The following DHX15 variants were observed in gnomAD, a reference collection of about 807,000 sequenced individuals.
DHX15 encodes the protein DEAH-box helicase 15.
In DHX15, 11 loss-of-function variants were observed where a neutral mutation model predicts 94.4. That is an observed-to-expected ratio of 0.12 (90% CI 0.07 to 0.19). DHX15 has a LOEUF of 0.19. Among genes scored for constraint, DHX15 ranks in the 10% least tolerant of loss-of-function variants. The pLI is 1.00. For synonymous variants in DHX15, 338 were observed against 329.9 expected, an observed-to-expected ratio of 1.02 and a Z score of -0.27; for missense variants, 304 against 988.5, an observed-to-expected ratio of 0.31 and a Z score of 9.29.
At chr4:24,536,008 TAAAA>T (rs534771311) in intron 11 of DHX15, among the ~76,000 whole-genome samples, 1 of 149,732 alleles carries the variant, frequency 6.7e-6, no homozygotes, top group Non-Finnish European at 1.5e-5. Context: ...GGCTATCAGT[TAAAA>T]AAAAAATGTC....
chr4:24,563,036 T>C (rs1430595158), intron 3 of DHX15, among the ~76,000 whole-genome samples: 4 of 152,110 alleles, frequency 2.6e-5, no homozygotes, highest in African/African-American at 4.8e-5. Flanking sequence ...TGTTGATTAA[T>C]GTTAACAATA....
rs1722239000 is a variant in DHX15 at position 24,575,569 on chromosome 4, G to C, written c.507+674C>G. Among the ~76,000 whole-genome samples the C allele has an allele frequency of 3.3e-5, 5 of 152,150 alleles. No individual in the cohort carries two copies. In the East Asian group the frequency reaches 9.6e-4, roughly 29 times the overall value. ...GTGTTCTCCTACATGCTCATGGAAA[G>C]GTAAATTGATACGCTCCCTCTGGAA... On this transcript the variant is annotated intron_variant, in intron 2 of 13. Transcript: ENST00000336812.
chr4:24,530,902 A>C lies in DHX15; in HGVS notation c.2101-1132T>G, dbSNP rs528653904. On this transcript the variant is annotated intron_variant, in intron 12 of 13. Transcript: ENST00000336812. ...CTATAATGCATGCTGTTTCTAATAAATTTTTTGTTTGTTTTTAAAAAGAGA... is the reference window on the plus strand; with the variant it reads ...CTATAATGCATGCTGTTTCTAATAACTTTTTTGTTTGTTTTTAAAAAGAGA... 2.6e-5 allele frequency: 4 copies of C among 152,170 alleles called. No homozygotes were observed. The East Asian group carries it at 7.7e-4, about 29-fold the overall frequency. The allele number at this position is 152,170 out of a possible 1,614,324, so 9.4% of individuals were successfully genotyped here.
intron 3 of DHX15, among the ~76,000 whole-genome samples, chr4:24,564,066 C>CAA (rs56255704): frequency 1.3e-5 from 1 of 74,726 alleles, no homozygotes; most frequent in Non-Finnish European, 2.7e-5. Context: ...GACTCCGTCT[C>CAA]AAAAAAAAAA....
intron 12 of DHX15, among the ~76,000 whole-genome samples, chr4:24,531,111 C>T (rs71326598): frequency 4.1e-5 from 6 of 147,662 alleles, no homozygotes; most frequent in South Asian, 2.1e-4. Context: ...TTTTTTGAGA[C>T]GGAGTCTCGC....
intron 3 of DHX15, among the ~76,000 whole-genome samples, chr4:24,566,157 C>A (rs1721987266): frequency 6.6e-6 from 1 of 151,930 alleles, no homozygotes; most frequent in Non-Finnish European, 1.5e-5. Context: ...GATCCACTCA[C>A]CTCATCCAAG....
intron 3 of DHX15, among the ~76,000 whole-genome samples, chr4:24,568,084 G>A (rs1054551557): frequency 8.5e-5 from 13 of 152,068 alleles, no homozygotes; most frequent in South Asian, 2.1e-4. Context: ...ATCTATATGC[G>A]GACAATTTAA....
At chr4:24,574,204 T>TAAAAAAAAAAAAAAAA (rs1560775707) in intron 2 of DHX15, among the ~76,000 whole-genome samples, 1 of 6,490 alleles carries the variant, frequency 1.5e-4, no homozygotes, top group African/African-American at 5.1e-4. Context: ...AGACTTTGTC[T>TAAAAAAAAAAAAAAAA]CAAAAAAAAA....
chr4:24,547,950 T>TATATAC (rs1560766069), intron 6 of DHX15, among the ~76,000 whole-genome samples: 21 of 12,192 alleles, frequency 1.7e-3, no homozygotes, highest in African/African-American at 9.3e-3. Context: ...TATCTATATC[T>TATATAC]ATATCTATAT....
At chr4:24,568,793 C>G (rs1447212850) in intron 3 of DHX15, among the ~76,000 whole-genome samples, 1 of 152,160 alleles carries the variant, frequency 6.6e-6, no homozygotes, top group African/African-American at 2.4e-5. Context: ...ACATTACCTG[C>G]ATTTTAAAGT....
intron 11 of DHX15, chr4:24,533,674 T>C (rs754286994): frequency 2.6e-5 from 4 of 153,276 alleles, no homozygotes; most frequent in Non-Finnish European, 4.4e-5. Flanking sequence ...AGGATATTTC[T>C]CCACTGATGA....
intron 2 of DHX15, among the ~76,000 whole-genome samples, chr4:24,571,141 T>A (rs1161201910): frequency 6.6e-6 from 1 of 152,222 alleles, no homozygotes; most frequent in Non-Finnish European, 1.5e-5. Context: ...AAAATCCAAC[T>A]TACAACAAAT....
At position 24,533,008 on chromosome 4, in the gene DHX15, C is replaced by T. The variant is rs778510743; in HGVS notation, c.1956G>A (p.Arg652=). 2 of 1,614,016 alleles carry T rather than the reference C, an allele frequency of 1.2e-6. No individual in the cohort carries two copies. Among genetic ancestry groups the T allele is most frequent in the Non-Finnish European group, 1.7e-6 (2 of 1,180,000 alleles). The change falls in exon 12 of 14, where the codon AGG becomes AGA. Residue 652 remains arginine (R), a synonymous_variant. Coordinates refer to ENST00000336812, the MANE Select transcript of DHX15 (RefSeq NM_001358.3). ...QWCYDNFINY[R]SLMSADNVRQ... is the part of the protein sequence containing the mutation. ...GTACATTGTCTGCGGACATCAGGGA[C>T]CTGTAGTTAATGAAGTTGTCATAAC...
intron 1 of DHX15, among the ~76,000 whole-genome samples, chr4:24,577,873 C>A (rs1330836090): frequency 6.6e-6 from 1 of 152,154 alleles, no homozygotes; most frequent in Non-Finnish European, 1.5e-5. Flanking sequence ...GCCTCAAGAT[C>A]TTTAAACCCA....
intron 6 of DHX15, among the ~76,000 whole-genome samples, chr4:24,545,597 C>G (rs1447629996): frequency 2.0e-5 from 3 of 152,066 alleles, no homozygotes; most frequent in Non-Finnish European, 4.4e-5. Context: ...TTCTCAAGGA[C>G]TAAAAATAGC....
chr4:24,565,823 G>A (rs901328625), intron 3 of DHX15, among the ~76,000 whole-genome samples: 1 of 152,078 alleles, frequency 6.6e-6, no homozygotes, highest in Non-Finnish European at 1.5e-5. Flanking sequence ...CATAAATGAC[G>A]AAGAGTTGTA....
At chr4:24,563,052 AC>A (rs1191104093) in intron 3 of DHX15, 3 of 151,988 alleles carry the variant, frequency 2.0e-5, no homozygotes, top group Non-Finnish European at 4.4e-5. Context: ...CAATAAATGA[AC>A]CTATAGGTCT....
intron 1 of DHX15, 137 bp downstream of exon 1, chr4:24,584,186 G>A (rs897211750): frequency 9.8e-6 from 9 of 917,524 alleles, no homozygotes; most frequent in East Asian, 2.9e-5. Flanking sequence ...TCTCCTACCC[G>A]CCGCTAGTGA....
At chr4:24,548,591 G>A (rs755642061) in intron 6 of DHX15, among the ~76,000 whole-genome samples, 9 of 152,196 alleles carry the variant, frequency 5.9e-5, no homozygotes, top group Non-Finnish European at 1.0e-4. Context: ...GATTTAATAG[G>A]AGAAAAGACA....
Sources: gnomAD v4.1 joint callset for allele counts (sites outside exome capture counted in the v4.1 genomes callset) on GRCh38, gnomAD v4.1.1 for gene constraint, MANE v1.5 for transcripts, NCBI Gene and HGNC (gene_info 2026-07-23, HGNC 2026-07-21) for gene names.